Variants in RAB10 observed in about 807,000 individuals in gnomAD.
The protein encoded by RAB10 is RAB10, member RAS oncogene family, also known as ras-related protein Rab-10.
Under a neutral mutation model 25.7 loss-of-function variants are expected in RAB10, and 5 were observed. The ratio of observed to expected loss-of-function variants is 0.19; its 90% CI spans 0.10 to 0.41. The LOEUF (loss-of-function observed/expected upper bound fraction) is 0.41. RAB10 is among the 10% of genes least tolerant of loss of function. The probability of loss-of-function intolerance (pLI) is 1.00; values close to 1 mark genes in which losing one functional copy is unlikely to be tolerated. For synonymous variants in RAB10, 89 were observed against 86.4 expected (o/e 1.03, Z -0.16); for missense variants, 103 against 245.8 (o/e 0.42, Z 3.89).
In RAB10 at chr2:26,124,389, C is replaced by CTTTTTTTTTTTTTTTTTTTTTTTTTTT. The variant is rs10669615; in HGVS notation, c.328-2753_328-2727dup. ...GTTGTTTTTCTTATTGTTGTTGTTG[C>CTTTTTTTTTTTTTTTTTTTTTTTTTTT]TTTTTTTTTTTTTTTTTTTTTTTTT... On this transcript the variant is annotated intron_variant, in intron 3 of 5. Transcript: ENST00000264710. 4.6e-4 allele frequency among the ~76,000 whole-genome samples: 9 copies of CTTTTTTTTTTTTTTTTTTTTTTTTTTT among 19,678 alleles called. 4 individuals carry two copies. Among genetic ancestry groups the CTTTTTTTTTTTTTTTTTTTTTTTTTTT allele is most frequent in the African/African-American group, 8.0e-4 (4 of 5,018 alleles). The allele number at this position is 19,678 out of a possible 152,430, so 12.9% of individuals were successfully genotyped here. A position where few individuals can be genotyped will look rare whatever the true frequency, so the allele number is the denominator to read the frequency against.
chr2:26,052,489 T>TTC (rs1426633465), intron 1 of RAB10, among the ~76,000 whole-genome samples: 6 of 151,498 alleles, frequency 4.0e-5, no homozygotes, highest in Non-Finnish European at 8.8e-5. Context: ...TTTTTTTTTT[T>TTC]TTCACTGAGA....
intron 1 of RAB10, among the ~76,000 whole-genome samples, chr2:26,058,434 T>G (rs1397125221): frequency 1.3e-5 from 2 of 151,918 alleles, no homozygotes; most frequent in African/African-American, 4.8e-5. Context: ...TTTCTTTTCT[T>G]TTTTTTTAAA....
At chr2:26,087,479 C>T (rs1344650447) in intron 1 of RAB10, among the ~76,000 whole-genome samples, 4 of 152,044 alleles carry the variant, frequency 2.6e-5, no homozygotes, top group Non-Finnish European at 4.4e-5. Context: ...CTCGGCTCAC[C>T]GCAACCTCTG....
At position 26,046,060 on chromosome 2, in the gene RAB10, C is replaced by T. The variant is rs527250880; in HGVS notation, c.127+11325C>T. On this transcript the variant is annotated intron_variant, in intron 1 of 5. Coordinates refer to ENST00000264710, the MANE Select transcript of RAB10 (RefSeq NM_016131.5). Reference sequence around the variant, plus strand: ...GAATTTGAGGCCCGGTGCGGTGGCTCACGCCTGTAATCCCAGCACTTTGGG... The same window carrying T: ...GAATTTGAGGCCCGGTGCGGTGGCTTACGCCTGTAATCCCAGCACTTTGGG... 4.3e-4 allele frequency among the ~76,000 whole-genome samples: 65 copies of T among 152,270 alleles called. 2 individuals are homozygous for T. In the South Asian group the frequency reaches 0.013, roughly 30 times the overall value.
intron 1 of RAB10, among the ~76,000 whole-genome samples, chr2:26,058,441 T>A (rs6758264): frequency 0.028 from 4,253 of 152,074 alleles, 202 homozygotes; most frequent in African/African-American, 0.098. Context: ...TCTTTTTTTT[T>A]AAATTGAGAC....
intron 3 of RAB10, among the ~76,000 whole-genome samples, 187 bp from the exon 4 acceptor site, chr2:26,126,956 GC>G: frequency 6.6e-6 from 1 of 152,294 alleles, no homozygotes; most frequent in East Asian, 1.9e-4. Context: ...CTTGGGAATT[GC>G]GTTTCTTTTG....
chr2:26,069,012 C>T (rs1435973061), intron 1 of RAB10, among the ~76,000 whole-genome samples: 1 of 152,172 alleles, frequency 6.6e-6, no homozygotes, highest in Non-Finnish European at 1.5e-5. Flanking sequence ...TCTAGTTTGT[C>T]TTAAGCTTTT....
chr2:26,095,919 AAACAG>A (rs1460407749), intron 1 of RAB10, among the ~76,000 whole-genome samples: 1 of 152,114 alleles, frequency 6.6e-6, no homozygotes, highest in Non-Finnish European at 1.5e-5. Flanking sequence ...CCAAAAAACA[AAACAG>A]AACAAAAAGC....
chr2:26,079,312 C>CACACACAA lies in RAB10; in HGVS notation c.128-19343_128-19342insAACACACA, dbSNP rs1330661368. Among the ~76,000 whole-genome samples the CACACACAA allele has an allele frequency of 1.0e-4, 9 of 87,088 alleles. No homozygotes were observed. In the East Asian group the frequency reaches 5.2e-3, roughly 50 times the overall value. The allele number at this position is 87,088 out of a possible 152,430, so 57.1% of individuals were successfully genotyped here. A position where few individuals can be genotyped will look rare whatever the true frequency, so the allele number is the denominator to read the frequency against. ...GGGGTAGGAGCTAGCAAGTTTGAAA[C>CACACACAA]ACACACACACAAACACACACACACA... On this transcript the variant is annotated intron_variant, in intron 1 of 5. Transcript: ENST00000264710.
chr2:26,069,893 A>G (rs1666588642), intron 1 of RAB10, among the ~76,000 whole-genome samples: 1 of 151,836 alleles, frequency 6.6e-6, no homozygotes, highest in African/African-American at 2.4e-5. Flanking sequence ...TTTAATAGAG[A>G]TGAGGTTTCG....
chr2:26,046,221 A>T (rs1666000869), intron 1 of RAB10, among the ~76,000 whole-genome samples: 1 of 151,962 alleles, frequency 6.6e-6, no homozygotes, highest in Admixed American at 6.6e-5. Context: ...GCTACTCGGG[A>T]GGCTGAGGCA....
chr2:26,034,542 T>C lies in RAB10; in HGVS notation c.-67T>C. ...GGCCTGAGAACGCCCGAGTGAGGAG[T>C]TGGCCGTAGTGAGAGGGACCGATCC... is the stretch of plus-strand genomic sequence containing the variant. On this transcript the variant is annotated 5_prime_UTR_variant, in exon 1 of 6. Transcript: ENST00000264710. 6.2e-7 allele frequency: 1 copy of C among 1,600,006 alleles called. No homozygotes were observed. The highest frequency in any genetic ancestry group is 8.5e-7 in the Non-Finnish European group (1 of 1,172,748).
intron 5 of RAB10, among the ~76,000 whole-genome samples, chr2:26,129,044 G>C (rs1418286707): frequency 6.6e-6 from 1 of 152,058 alleles, no homozygotes; most frequent in Non-Finnish European, 1.5e-5. Flanking sequence ...AGGCTGAGGC[G>C]GGTGGATCAC....
chr2:26,086,398 A>G (rs1666988515), intron 1 of RAB10, among the ~76,000 whole-genome samples: 2 of 152,208 alleles, frequency 1.3e-5, no homozygotes. Flanking sequence ...AAAAAACCAC[A>G]ATGAGGTATC....
chr2:26,083,220 G>C (rs6727699), intron 1 of RAB10, among the ~76,000 whole-genome samples: 2 of 152,050 alleles, frequency 1.3e-5, no homozygotes, highest in African/African-American at 2.4e-5. Context: ...AGATGTAAAC[G>C]TGCCTTTATT....
At chr2:26,112,305 T>C (rs1667590390) in intron 3 of RAB10, among the ~76,000 whole-genome samples, 1 of 152,176 alleles carries the variant, frequency 6.6e-6, no homozygotes, top group African/African-American at 2.4e-5. Context: ...GAAGTGGGAC[T>C]GAAATTTCCA....
intron 1 of RAB10, among the ~76,000 whole-genome samples, chr2:26,077,006 A>C (rs558393034): frequency 6.6e-6 from 1 of 152,142 alleles, no homozygotes; most frequent in South Asian, 2.1e-4. Context: ...CAGAAATAAA[A>C]GAAATGAAGG....
At chr2:26,069,941 A>G (rs1368816662) in intron 1 of RAB10, among the ~76,000 whole-genome samples, 1 of 152,142 alleles carries the variant, frequency 6.6e-6, no homozygotes, top group East Asian at 1.9e-4. Context: ...TCCTGACCTC[A>G]AGTGATCTGC....
intron 3 of RAB10, among the ~76,000 whole-genome samples, chr2:26,126,762 G>T (rs1048057503): frequency 8.5e-5 from 13 of 152,218 alleles, no homozygotes; most frequent in Middle Eastern, 3.4e-3. Flanking sequence ...AGAGTTTAAG[G>T]CTCTATAAAA....
Sources: allele counts gnomAD v4.1 joint callset (sites outside exome capture counted in the v4.1 genomes callset), GRCh38; gene constraint gnomAD v4.1.1; transcripts MANE v1.5; gene names NCBI Gene and HGNC (gene_info 2026-07-23, HGNC 2026-07-21).